Variants in DOK5 observed in about 807,000 individuals in gnomAD.
DOK5 encodes downstream of tyrosine kinase 5.
DOK5 carries 27 observed loss-of-function variants against 43.3 expected under a neutral mutation model. The ratio of observed to expected loss-of-function variants is 0.62; its 90% confidence interval spans 0.46 to 0.86. DOK5 has a LOEUF of 0.86. Ranked by LOEUF, DOK5 falls within the 40% of genes least tolerant of loss-of-function variation. The pLI, the probability that DOK5 is intolerant of heterozygous loss-of-function variation, is 0.00. For missense variants in DOK5, 373 were observed against 392.9 expected, an observed-to-expected ratio of 0.95 and a Z score of 0.43; for synonymous variants, 146 against 140.1, an observed-to-expected ratio of 1.04 and a Z score of -0.30.
In DOK5 at chr20:54,650,655, C is replaced by CT. The variant is rs1455940602; in HGVS notation, c.*182dup. Reference sequence around the variant, plus strand: ...CAATAATTTTCTTTATTTTCTTTTTCTTTTTTAAATTCTTAGTGTAATTGA... The same window carrying CT: ...CAATAATTTTCTTTATTTTCTTTTTCTTTTTTTAAATTCTTAGTGTAATTGA... On this transcript the variant is annotated 3_prime_UTR_variant, in exon 8 of 8. Coordinates refer to ENST00000262593, the MANE Select transcript of DOK5 (RefSeq NM_018431.5). 2.5e-5 allele frequency: 14 copies of CT among 559,610 alleles called. No individual in the cohort carries two copies. Among genetic ancestry groups the CT allele is most frequent in the Admixed American group, 1.4e-4 (4 of 28,322 alleles). The allele number at this position is 559,610 out of a possible 1,614,324, so 34.7% of individuals were successfully genotyped here.
At chr20:54,559,454 T>C (rs1049514276) in intron 2 of DOK5, among the ~76,000 whole-genome samples, 2 of 152,246 alleles carry the variant, frequency 1.3e-5, no homozygotes, top group African/African-American at 2.4e-5. Flanking sequence ...CGGTTCACCT[T>C]GGACCAGAAG....
At chr20:54,638,775 A>T (rs1978967477) in intron 6 of DOK5, among the ~76,000 whole-genome samples, 3 of 123,860 alleles carry the variant, frequency 2.4e-5, no homozygotes, top group African/African-American at 9.2e-5. Context: ...TTTTTTTGAG[A>T]CTGAGTCTCG....
intron 6 of DOK5, among the ~76,000 whole-genome samples, chr20:54,634,753 A>ACTAT (rs140621267): frequency 0.029 from 4,354 of 148,688 alleles, 225 homozygotes; most frequent in African/African-American, 0.099. Flanking sequence ...GGCATATACT[A>ACTAT]CTATCTGCTT....
At chr20:54,542,952 G>T (rs1446936500) in intron 1 of DOK5, among the ~76,000 whole-genome samples, 2 of 149,612 alleles carry the variant, frequency 1.3e-5, no homozygotes, top group East Asian at 3.9e-4. Flanking sequence ...TCAGAAGATG[G>T]TAGCTTAGAG....
chr20:54,477,246 A>C (rs1183222831), intron 1 of DOK5, among the ~76,000 whole-genome samples: 4 of 152,296 alleles, frequency 2.6e-5, no homozygotes, highest in African/African-American at 7.2e-5. Context: ...CTGAAAACTG[A>C]AAAGAAATTT....
intron 2 of DOK5, among the ~76,000 whole-genome samples, chr20:54,582,185 C>A (rs1289308828): frequency 2.6e-5 from 4 of 151,634 alleles, no homozygotes; most frequent in South Asian, 2.1e-4. Flanking sequence ...CTATGTAGAA[C>A]CCTTGTATCT....
At chr20:54,497,087 C>G (rs907763325) in intron 1 of DOK5, among the ~76,000 whole-genome samples, 1 of 152,114 alleles carries the variant, frequency 6.6e-6, no homozygotes, top group African/African-American at 2.4e-5. Flanking sequence ...TAAACAATAT[C>G]AATAATTATG....
chr20:54,554,825 A>G (rs1197661372), intron 1 of DOK5, 108 bp from the exon 2 acceptor site: 1 of 708,946 alleles, frequency 1.4e-6, no homozygotes. Context: ...GCAACATCAC[A>G]TTTCTGGCTT....
chr20:54,625,940 TG>T (rs1173447160), intron 6 of DOK5, among the ~76,000 whole-genome samples: 7 of 152,238 alleles, frequency 4.6e-5, no homozygotes, highest in African/African-American at 1.7e-4. Flanking sequence ...ACGACATCTA[TG>T]AGCATATACA....
chr20:54,552,071 A>C (rs1178405891), intron 1 of DOK5, among the ~76,000 whole-genome samples: 3 of 152,142 alleles, frequency 2.0e-5, no homozygotes, highest in Non-Finnish European at 4.4e-5. Context: ...CAAATGATTC[A>C]TCCATCTTGG....
At chr20:54,608,227 A>G (rs1489997574) in intron 5 of DOK5, among the ~76,000 whole-genome samples, 2 of 152,180 alleles carry the variant, frequency 1.3e-5, no homozygotes, top group Admixed American at 6.6e-5. Flanking sequence ...AGGTACCTTC[A>G]TTACTTCTGG....
At chr20:54,551,551 C>G (rs1317253940) in intron 1 of DOK5, among the ~76,000 whole-genome samples, 1 of 151,990 alleles carries the variant, frequency 6.6e-6, no homozygotes, top group Non-Finnish European at 1.5e-5. Flanking sequence ...ATATTTAGGT[C>G]TATTTTAAGC....
chr20:54,503,450 T>C (rs1982685834), intron 1 of DOK5, among the ~76,000 whole-genome samples: 1 of 152,192 alleles, frequency 6.6e-6, no homozygotes, highest in South Asian at 2.1e-4. Context: ...TTGTTGCTTT[T>C]ATTCTTGATT....
At chr20:54,550,153 G>A (rs567341836) in intron 1 of DOK5, among the ~76,000 whole-genome samples, 1 of 145,538 alleles carries the variant, frequency 6.9e-6, no homozygotes, top group Non-Finnish European at 1.5e-5. Flanking sequence ...ACTCACTCTG[G>A]TCGTTAATTA....
intron 1 of DOK5, among the ~76,000 whole-genome samples, chr20:54,519,196 T>C (rs1245516119): frequency 1.3e-5 from 2 of 152,214 alleles, no homozygotes; most frequent in South Asian, 2.1e-4. Context: ...TTTAATACTT[T>C]TAATATATAT....
chr20:54,592,783 C>T (rs1600722754), intron 5 of DOK5, among the ~76,000 whole-genome samples: 4 of 152,190 alleles, frequency 2.6e-5, no homozygotes, highest in South Asian at 2.1e-4. Flanking sequence ...CCTCGCGCTT[C>T]GGCCTTCCAA....
At chr20:54,595,238 G>A (rs1416785476) in intron 5 of DOK5, among the ~76,000 whole-genome samples, 1 of 152,172 alleles carries the variant, frequency 6.6e-6, no homozygotes, top group Non-Finnish European at 1.5e-5. Context: ...CTACTCGGGA[G>A]GCTGAGGCAG....
At chr20:54,533,518 TAAC>T (rs1983852058) in intron 1 of DOK5, among the ~76,000 whole-genome samples, 1 of 152,204 alleles carries the variant, frequency 6.6e-6, no homozygotes, top group Non-Finnish European at 1.5e-5. Flanking sequence ...AACATCCAAT[TAAC>T]AAAAGAATGC....
chr20:54,551,330 C>G (rs1984522820), intron 1 of DOK5, among the ~76,000 whole-genome samples: 1 of 152,162 alleles, frequency 6.6e-6, no homozygotes, highest in African/African-American at 2.4e-5. Context: ...GTTTACACAT[C>G]TTTTCTTCCA....
Sources: gnomAD v4.1 joint callset for allele counts (sites outside exome capture counted in the v4.1 genomes callset) on GRCh38, gnomAD v4.1.1 for gene constraint, MANE v1.5 for transcripts, NCBI Gene and HGNC (gene_info 2026-07-23, HGNC 2026-07-21) for gene names.